The following ZMIZ2 variants were observed in gnomAD, a reference collection of about 807,000 sequenced individuals.
The protein encoded by ZMIZ2 is zinc finger MIZ-type containing 2.
Under a neutral mutation model 93.9 loss-of-function variants are expected in ZMIZ2, and 26 were observed. The ratio of observed to expected loss-of-function variants is 0.28; its 90% confidence interval spans 0.20 to 0.38. ZMIZ2 has a LOEUF of 0.38. Ranked by LOEUF, ZMIZ2 falls within the 10% of genes least tolerant of loss-of-function variation. The pLI, the probability that ZMIZ2 is intolerant of heterozygous loss-of-function variation, is 1.00. For synonymous variants in ZMIZ2, 485 were observed against 516.4 expected (o/e 0.94, Z 0.82); for missense variants, 1,023 against 1,235.0 (o/e 0.83, Z 2.57).
chr7:44,762,895 G>C lies in ZMIZ2; in HGVS notation c.1611G>C (p.Val537=). The change falls in exon 12 of 19, where the codon GTG becomes GTC. Residue 537 remains valine, a synonymous_variant. Coordinates refer to ENST00000309315, the MANE Select transcript of ZMIZ2 (RefSeq NM_031449.4). ...TTGTATTGCAGTCCCACCTCTTCGT[G>C]CTGCAGCTAGTGCACCGCCCATCCG... ...VTACCCSHLF[V]LQLVHRPSVR... is the part of the protein sequence containing the mutation. 1 of 1,610,046 alleles carries C rather than the reference G, an allele frequency of 6.2e-7. No homozygotes were observed. Among genetic ancestry groups the C allele is most frequent in the African/African-American group, 1.3e-5 (1 of 74,758 alleles).
At position 44,761,603 on chromosome 7, in the gene ZMIZ2, G is replaced by A. The variant is rs1791184869; in HGVS notation, c.1385+10G>A. Reference sequence around the variant, plus strand: ...AGACCCTGATAATGAGGTGAGCTCCGCCTGGCCCCCACCTGACCCCCACGA... The same window carrying A: ...AGACCCTGATAATGAGGTGAGCTCCACCTGGCCCCCACCTGACCCCCACGA... On this transcript the variant is annotated intron_variant, in intron 10 of 18. Transcript: ENST00000309315. This position sits in a 1 kb window ranked among gnomAD's most constrained non-coding sequence, Gnocchi z 5.8. The A allele has an allele frequency of 2.5e-6, 4 of 1,613,820 alleles. No homozygotes were observed. The highest frequency in any genetic ancestry group is 1.1e-5 in the South Asian group (1 of 91,072).
chr7:44,758,150 C>A (rs777193720), intron 6 of ZMIZ2, 42 bp downstream of exon 6: 40 of 1,497,076 alleles, frequency 2.7e-5, no homozygotes, highest in Non-Finnish European at 3.5e-5. Context: ...TGGGTACCAA[C>A]TCCCTCACCC....
intron 1 of ZMIZ2, 66 bp from the exon 2 acceptor site, chr7:44,756,122 C>A: frequency 7.4e-7 from 1 of 1,357,234 alleles, no homozygotes. Context: ...ACCGGGGTCC[C>A]TCCACCCTGC....
At position 44,765,824 on chromosome 7, in the gene ZMIZ2, C is replaced by T. The variant is rs1037930024; in HGVS notation, c.2242+245C>T. On this transcript the variant is annotated intron_variant, in intron 16 of 18. Coordinates refer to ENST00000309315, the MANE Select transcript of ZMIZ2 (RefSeq NM_031449.4). The surrounding 1 kb of genome is among the most constrained non-coding windows in gnomAD (Gnocchi z 4.1). ...AGTGGGGCCTCCACCCTTCCTTCCC[C>T]GTTTGGATTAAGGGGCTCCTGGCTG... 6 of 1,064,576 alleles carry T rather than the reference C, an allele frequency of 5.6e-6. No homozygotes were observed. Among genetic ancestry groups the T allele is most frequent in the African/African-American group, 1.6e-5 (1 of 62,448 alleles). The allele number at this position is 1,064,576 out of a possible 1,614,324, so 65.9% of individuals were successfully genotyped here.
chr7:44,759,793 C>T (rs1583634692), intron 7 of ZMIZ2: 6 of 447,826 alleles, frequency 1.3e-5, no homozygotes, highest in Non-Finnish European at 2.4e-5. Context: ...AAGTGTCATT[C>T]CTTCTACTTG....
intron 6 of ZMIZ2, 111 bp from the exon 7 acceptor site, chr7:44,759,170 C>G (rs1364646474): frequency 2.0e-6 from 2 of 997,546 alleles, no homozygotes; most frequent in African/African-American, 1.7e-5. Flanking sequence ...TTCAAGGGAA[C>G]CAGGAAATCT....
Position 44,757,910 on chromosome 7 carries a change from T to C in ZMIZ2, c.615T>C (p.Ser205=). The part of the protein sequence containing the change: ...FLQHGGPRGP[S]VPAGMNPTGI... ...AGCATGGAGGTCCCCGGGGGCCTAG[T>C]GTCCCCGCTGGCATGAACCCTACTG... Residue 205 remains serine, a synonymous_variant, in exon 6 of 19, where the codon AGT becomes AGC. Coordinates refer to ENST00000309315, the MANE Select transcript of ZMIZ2 (RefSeq NM_031449.4). The C allele has an allele frequency of 6.2e-7, 1 of 1,609,218 alleles. No homozygotes were observed.
rs954108955 is a variant in ZMIZ2, at chr7:44,748,866, CGGCGGCGCGATGGCGCGGGT to C, written c.-180_-161del. Reference sequence around the variant, plus strand: ...GGCTCCATTGTGCCCTCGGAGCGGGCGGCGGCGCGATGGCGCGGGTGGCGGCGGCCCCGGGGCGGCGGGCG... The same window carrying C: ...GGCTCCATTGTGCCCTCGGAGCGGGCGGCGGCGGCCCCGGGGCGGCGGGCG... On this transcript the variant is annotated 5_prime_UTR_variant, in exon 1 of 19. It removes an upstream start codon present in the reference 5' UTR. Coordinates refer to ENST00000309315, the MANE Select transcript of ZMIZ2 (RefSeq NM_031449.4). 1 of 148,414 alleles carries C rather than the reference CGGCGGCGCGATGGCGCGGGT, an allele frequency of 6.7e-6. No individual in the cohort carries two copies. Among genetic ancestry groups the C allele is most frequent in the Non-Finnish European group, 1.5e-5 (1 of 66,534 alleles). 9.2% of individuals were successfully genotyped at this position (148,414 alleles called of 1,614,324 possible). A position where few individuals can be genotyped will look rare whatever the true frequency, so the allele number is the denominator to read the frequency against.
chr7:44,751,390 A>G (rs967191435), intron 1 of ZMIZ2, among the ~76,000 whole-genome samples: 1 of 152,224 alleles, frequency 6.6e-6, no homozygotes, highest in Non-Finnish European at 1.5e-5. Flanking sequence ...ACCAGCTGCG[A>G]GCTGGTTTTG....
chr7:44,764,452 T>C lies in ZMIZ2; in HGVS notation c.1894T>C (p.Cys632Arg), dbSNP rs1791497132. 3 of 1,614,208 alleles carry C rather than the reference T, an allele frequency of 1.9e-6. No homozygotes were observed. The highest frequency in any genetic ancestry group is 2.5e-6 in the Non-Finnish European group (3 of 1,180,022). The change falls in exon 14 of 19, where the codon TGT (cysteine) becomes CGT (arginine). Residue 632 changes from cysteine (C) to arginine (R), a missense_variant. Physicochemically the swap from Cys to Arg is radical, Grantham distance 180. Transcript: ENST00000309315. ...FDLESYLQLN[C>R]ERGTWRCPVC... ...CCTGGAGTCGTACCTGCAGCTCAAC[T>C]GTGAGCGGGGGACTTGGAGGTGTCC...
At position 44,767,975 on chromosome 7, in the gene ZMIZ2, C is replaced by A; in HGVS notation, c.*352C>A. Reference sequence around the variant, plus strand: ...ACCTTGTCCTTCCACCCCTGCCTGCCCCCACCCAGCCTGCTTCTTGTCCAG... The same window carrying A: ...ACCTTGTCCTTCCACCCCTGCCTGCACCCACCCAGCCTGCTTCTTGTCCAG... On this transcript the variant is annotated 3_prime_UTR_variant, in exon 19 of 19. Coordinates refer to ENST00000309315, the MANE Select transcript of ZMIZ2 (RefSeq NM_031449.4). 2.8e-6 allele frequency: 1 copy of A among 363,350 alleles called. No individual in the cohort carries two copies. The highest frequency in any genetic ancestry group is 2.5e-5 in the South Asian group (1 of 40,116). The allele number at this position is 363,350 out of a possible 1,614,324, so 22.5% of individuals were successfully genotyped here.
chr7:44,766,680 A>ATGCGGGGGAG lies in ZMIZ2; in HGVS notation c.2655+22_2655+31dup. ...GCTCTGGACGTGAGTACCAGGCCCC[A>ATGCGGGGGAG]TGCGGGGGAGTGCGTGGGAGCCAGG... On this transcript the variant is annotated intron_variant, in intron 18 of 18. Coordinates refer to ENST00000309315, the MANE Select transcript of ZMIZ2 (RefSeq NM_031449.4). This position sits in a 1 kb window ranked among gnomAD's most constrained non-coding sequence, Gnocchi z 4.4. 1.9e-6 allele frequency: 3 copies of ATGCGGGGGAG among 1,610,402 alleles called. No homozygotes were observed. The highest frequency in any genetic ancestry group is 2.5e-6 in the Non-Finnish European group (3 of 1,177,976).
chr7:44,763,825 C>A lies in ZMIZ2; in HGVS notation c.1860+412C>A. 5.3e-6 allele frequency: 1 copy of A among 190,318 alleles called. No homozygotes were observed. The highest frequency in any genetic ancestry group is 1.1e-5 in the Non-Finnish European group (1 of 91,778). The allele number at this position is 190,318 out of a possible 1,614,324, so 11.8% of individuals were successfully genotyped here. On this transcript the variant is annotated intron_variant, in intron 13 of 18. Transcript: ENST00000309315. The surrounding 1 kb of genome is among the most constrained non-coding windows in gnomAD (Gnocchi z 5.6). The stretch of plus-strand genomic sequence containing the variant: ...TCCCTATTGCACAAACTGCTCTGTG[C>A]TGTCGTTTTTCTTCTTTTAACACCA...
chr7:44,765,502 C>T lies in ZMIZ2; in HGVS notation c.2165C>T (p.Ala722Val), dbSNP rs551024199. 5 of 1,598,922 alleles carry T rather than the reference C, an allele frequency of 3.1e-6. No individual in the cohort carries two copies. Among genetic ancestry groups the T allele is most frequent in the Non-Finnish European group, 3.4e-6 (4 of 1,179,448 alleles). Reference protein sequence around the residue: ...LMPSVMEMIAALGPGAAPFAP... With the variant: ...LMPSVMEMIAVLGPGAAPFAP... Reference sequence around the variant, plus strand: ...CCCAGCGTGATGGAGATGATCGCCGCCCTGGGCCCCGGCGCTGCCCCCTTT... The same window carrying T: ...CCCAGCGTGATGGAGATGATCGCCGTCCTGGGCCCCGGCGCTGCCCCCTTT... The change falls in exon 16 of 19, where the codon GCC becomes GTC. Residue 722 changes from alanine (A) to valine (V), a missense_variant. Ala to Val is a moderately conservative substitution (Grantham distance 64, BLOSUM62 0). Coordinates refer to ENST00000309315, the MANE Select transcript of ZMIZ2 (RefSeq NM_031449.4). This position sits in a 1 kb window ranked among gnomAD's most constrained non-coding sequence, Gnocchi z 4.1.
rs553415747 is a variant in ZMIZ2 at position 44,766,889 on chromosome 7, G to A, written c.2655+226G>A. Among the ~76,000 whole-genome samples the A allele has an allele frequency of 8.5e-5, 13 of 152,234 alleles. No homozygotes were observed. The South Asian group carries it at 1.2e-3, about 15-fold the overall frequency. ...TGAGGGGCCTGGATGCCGTACGGGC[G>A]GACGCAGAGTCTCAGAGGAGACTGC... is the stretch of plus-strand genomic sequence containing the variant. On this transcript the variant is annotated intron_variant, in intron 18 of 18. Coordinates refer to ENST00000309315, the MANE Select transcript of ZMIZ2 (RefSeq NM_031449.4). The surrounding 1 kb of genome is among the most constrained non-coding windows in gnomAD (Gnocchi z 4.4).
Position 44,767,790 on chromosome 7 carries a change from A to G in ZMIZ2, c.*167A>G, listed in dbSNP as rs532023251. 133 of 649,090 alleles carry G rather than the reference A, an allele frequency of 2.0e-4. No individual in the cohort carries two copies. The Admixed American group carries it at 2.2e-3, about 11-fold the overall frequency. 40.2% of individuals were successfully genotyped at this position (649,090 alleles called of 1,614,324 possible). ...CCAGCCCTGCCCCTGAATTGGAAGC[A>G]GCCCTGTGCTCGATGGGAGGGGCTC... On this transcript the variant is annotated 3_prime_UTR_variant, in exon 19 of 19. Transcript: ENST00000309315.
In ZMIZ2 at chr7:44,765,151, C is replaced by CGT; in HGVS notation, c.1997+149_1997+150dup. ...AGGCTGGATTCCAGGCCAGAGACAG[C>CGT]GTGTGTGTCCTACCTGAGTGTTGGT... is the stretch of plus-strand genomic sequence containing the variant. On this transcript the variant is annotated intron_variant, in intron 15 of 18. Coordinates refer to ENST00000309315, the MANE Select transcript of ZMIZ2 (RefSeq NM_031449.4). This position sits in a 1 kb window ranked among gnomAD's most constrained non-coding sequence, Gnocchi z 4.1. The CGT allele has an allele frequency of 7.0e-7, 1 of 1,422,256 alleles. No homozygotes were observed. The highest frequency in any genetic ancestry group is 2.3e-5 in the East Asian group (1 of 42,672). The allele number at this position is 1,422,256 out of a possible 1,614,324, so 88.1% of individuals were successfully genotyped here.
At chr7:44,755,399 C>G (rs948709040) in intron 1 of ZMIZ2, among the ~76,000 whole-genome samples, 5 of 152,156 alleles carry the variant, frequency 3.3e-5, no homozygotes, top group Non-Finnish European at 7.4e-5. Flanking sequence ...CTGCCTGGCC[C>G]CTAGGACCAT....
intron 11 of ZMIZ2, among the ~76,000 whole-genome samples, chr7:44,762,168 A>C (rs909180172): frequency 2.0e-5 from 3 of 152,212 alleles, no homozygotes; most frequent in African/African-American, 7.2e-5. Flanking sequence ...TTATTATTTC[A>C]GAAAAATGCG....
Sources: allele counts gnomAD v4.1 joint callset (sites outside exome capture counted in the v4.1 genomes callset), GRCh38; gene constraint gnomAD v4.1.1; non-coding constraint Gnocchi (gnomAD v3.1); transcripts MANE v1.5; gene names NCBI Gene and HGNC (gene_info 2026-07-23, HGNC 2026-07-21).